Variants in GABRB3 observed in about 807,000 individuals in gnomAD.
GABRB3 encodes gamma-aminobutyric acid receptor subunit beta-3.
GABRB3 carries 14 observed loss-of-function variants against 52.1 expected under a neutral mutation model. The observed-to-expected ratio is 0.27, with a 90% CI of 0.18 to 0.42. The LOEUF (loss-of-function observed/expected upper bound fraction) is 0.42. GABRB3 is among the 10% of genes least tolerant of loss of function. The pLI, the probability that GABRB3 is intolerant of heterozygous loss-of-function variation, is 1.00. For synonymous variants in GABRB3, 260 were observed against 232.3 expected (o/e 1.12, Z -1.08); for missense variants, 307 against 609.1 (o/e 0.50, Z 5.22).
chr15:26,624,793 G>A (rs933882124), intron 3 of GABRB3: 18 of 985,364 alleles, frequency 1.8e-5, no homozygotes, highest in Non-Finnish European at 1.9e-5. Flanking sequence ...AGGGGGTGGT[G>A]GAAAGGTCCA....
intron 3 of GABRB3, among the ~76,000 whole-genome samples, chr15:26,659,942 G>T (rs1321714483): frequency 1.3e-5 from 2 of 151,966 alleles, no homozygotes; most frequent in Non-Finnish European, 2.9e-5. Flanking sequence ...CATCAGAAGG[G>T]AAAATGAGGC....
chr15:26,713,948 A>G (rs917941969), intron 3 of GABRB3, among the ~76,000 whole-genome samples: 5 of 152,210 alleles, frequency 3.3e-5, no homozygotes, highest in African/African-American at 9.6e-5. Context: ...TGAGTGTCCA[A>G]AGTGCCTTCC....
At chr15:26,735,975 A>G (rs1890055444) in intron 3 of GABRB3, among the ~76,000 whole-genome samples, 1 of 150,640 alleles carries the variant, frequency 6.6e-6, no homozygotes, top group African/African-American at 2.4e-5. Flanking sequence ...AAAAAAAGCC[A>G]GTTCTAAAAA....
At chr15:26,620,052 C>T (rs1288189176) in intron 4 of GABRB3, among the ~76,000 whole-genome samples, 1 of 152,104 alleles carries the variant, frequency 6.6e-6, no homozygotes, top group Non-Finnish European at 1.5e-5. Flanking sequence ...ATTCTACATT[C>T]CCAGGACTTC....
intron 3 of GABRB3, among the ~76,000 whole-genome samples, chr15:26,682,999 C>T (rs1888286441): frequency 6.6e-6 from 1 of 152,158 alleles, no homozygotes; most frequent in South Asian, 2.1e-4. Flanking sequence ...CCACCACTGC[C>T]CCCAGCAGCC....
chr15:26,725,410 C>T (rs1296667077), intron 3 of GABRB3, among the ~76,000 whole-genome samples: 2 of 152,138 alleles, frequency 1.3e-5, no homozygotes, highest in East Asian at 1.9e-4. Context: ...CTGTGGTGCC[C>T]TTATTGATCC....
chr15:26,660,877 C>T (rs868148915), intron 3 of GABRB3, among the ~76,000 whole-genome samples: 1 of 152,138 alleles, frequency 6.6e-6, no homozygotes, highest in Non-Finnish European at 1.5e-5. Context: ...CTCGCTCTGT[C>T]GCCCAGGGTG....
intron 3 of GABRB3, among the ~76,000 whole-genome samples, chr15:26,706,900 G>T (rs1889120332): frequency 6.6e-6 from 1 of 152,194 alleles, no homozygotes; most frequent in Non-Finnish European, 1.5e-5. Flanking sequence ...TCTGTGAGGA[G>T]TAAAGGTGGA....
At chr15:26,644,186 A>G (rs1442308912) in intron 3 of GABRB3, among the ~76,000 whole-genome samples, 1 of 152,182 alleles carries the variant, frequency 6.6e-6, no homozygotes, top group Non-Finnish European at 1.5e-5. Flanking sequence ...AAGCCTTGAG[A>G]AGATACTGCA....
chr15:26,604,058 TA>T (rs1240111428), intron 4 of GABRB3, among the ~76,000 whole-genome samples: 1 of 152,086 alleles, frequency 6.6e-6, no homozygotes, highest in Non-Finnish European at 1.5e-5. Flanking sequence ...TGTTTACTGC[TA>T]AATTCAGTAA....
At chr15:26,761,635 T>C (rs1457334714) in intron 3 of GABRB3, among the ~76,000 whole-genome samples, 1 of 152,156 alleles carries the variant, frequency 6.6e-6, no homozygotes, top group East Asian at 1.9e-4. Flanking sequence ...GGACTCTCCC[T>C]AGTGGGATGC....
At chr15:26,656,448 A>G (rs1043814525) in intron 3 of GABRB3, among the ~76,000 whole-genome samples, 4 of 152,172 alleles carry the variant, frequency 2.6e-5, no homozygotes, top group East Asian at 1.9e-4. Flanking sequence ...TACCTTACAC[A>G]TGGCTAACAT....
At chr15:26,685,150 T>C (rs921061384) in intron 3 of GABRB3, among the ~76,000 whole-genome samples, 2 of 152,142 alleles carry the variant, frequency 1.3e-5, no homozygotes, top group African/African-American at 4.8e-5. Context: ...ACAAGTGAAT[T>C]AACCACGGGG....
At chr15:26,636,382 T>G (rs1893062261) in intron 3 of GABRB3, among the ~76,000 whole-genome samples, 3 of 152,142 alleles carry the variant, frequency 2.0e-5, no homozygotes, top group African/African-American at 7.2e-5. Flanking sequence ...CTCTCCACCA[T>G]TCTGGATACA....
chr15:26,564,367 T>C (rs2140687339), intron 7 of GABRB3, among the ~76,000 whole-genome samples: 1 of 152,290 alleles, frequency 6.6e-6, no homozygotes, highest in South Asian at 2.1e-4. Context: ...ATGTATCTGA[T>C]GGTCAGACCC....
intron 3 of GABRB3, chr15:26,624,744 C>T: frequency 2.0e-6 from 2 of 985,196 alleles, no homozygotes; most frequent in Non-Finnish European, 2.4e-6. Flanking sequence ...CAGTGTCCTC[C>T]TTTTTTTCTG....
intron 3 of GABRB3, among the ~76,000 whole-genome samples, chr15:26,634,167 G>A (rs1259136804): frequency 6.6e-6 from 1 of 152,124 alleles, no homozygotes; most frequent in Non-Finnish European, 1.5e-5. Context: ...CAGCCTCTGG[G>A]TCTTCGTTCT....
chr15:26,626,601 T>C (rs1892704959), intron 3 of GABRB3, among the ~76,000 whole-genome samples: 1 of 152,218 alleles, frequency 6.6e-6, no homozygotes, highest in African/African-American at 2.4e-5. Flanking sequence ...TCCAACAGCC[T>C]TACTGCTGAT....
chr15:26,649,999 C>T (rs1403701742), intron 3 of GABRB3, among the ~76,000 whole-genome samples: 3 of 152,120 alleles, frequency 2.0e-5, no homozygotes, highest in African/African-American at 4.8e-5. Context: ...TTCTGAGCGT[C>T]CAACAGAGAC....
Sources: allele counts gnomAD v4.1 joint callset (sites outside exome capture counted in the v4.1 genomes callset), GRCh38; gene constraint gnomAD v4.1.1; transcripts MANE v1.5; gene names NCBI Gene and HGNC (gene_info 2026-07-23, HGNC 2026-07-21).